Variants in PHKB observed in about 807,000 individuals in gnomAD.
The protein encoded by PHKB is phosphorylase kinase regulatory subunit beta.
In PHKB, 122 loss-of-function variants were observed where a neutral mutation model predicts 152.1. The ratio of observed to expected loss-of-function variants is 0.80; its 90% CI spans 0.69 to 0.93. PHKB has a LOEUF of 0.93. Among genes scored for constraint, PHKB ranks in the 40% least tolerant of loss-of-function variants. The pLI is 0.00. For missense variants in PHKB, 1,304 were observed against 1,328.4 expected (o/e 0.98, Z 0.29); for synonymous variants, 436 against 464.9 (o/e 0.94, Z 0.80).
intron 24 of PHKB, chr16:47,664,356 T>A (rs996599720): frequency 6.3e-6 from 1 of 157,810 alleles, no homozygotes; most frequent in African/African-American, 2.4e-5. Flanking sequence ...TCTAACAAAT[T>A]TTGAAAGTCA....
intron 7 of PHKB, among the ~76,000 whole-genome samples, chr16:47,552,350 A>T (rs927002546): frequency 6.6e-6 from 1 of 152,058 alleles, no homozygotes; most frequent in Non-Finnish European, 1.5e-5. Context: ...AGTGGCTGGT[A>T]TTGGTTTTTC....
At position 47,503,071 on chromosome 16, in the gene PHKB, A is replaced by G. The variant is rs774882825; in HGVS notation, c.386A>G (p.Tyr129Cys). 7.5e-6 allele frequency: 12 copies of G among 1,605,160 alleles called. No individual in the cohort carries two copies. The highest frequency in any genetic ancestry group is 2.2e-5 in the East Asian group (1 of 44,820). Residue 129 changes from tyrosine (Y) to cysteine (C), a missense_variant, in exon 4 of 31, where the codon TAT becomes TGT. By Grantham distance (194) the Tyr-to-Cys change is radical. Coordinates refer to ENST00000323584, the MANE Select transcript of PHKB (RefSeq NM_000293.3). ...IKCMRGILYCYMRQADKVQQF... is the reference protein window; with the variant it reads ...IKCMRGILYCCMRQADKVQQF... ...TGCATGAGAGGAATTCTCTACTGCTATATGCGTCAGGCCGATAAGGTAAAA... is the reference window on the plus strand; with the variant it reads ...TGCATGAGAGGAATTCTCTACTGCTGTATGCGTCAGGCCGATAAGGTAAAA...
At chr16:47,688,895 AT>A in intron 26 of PHKB, 145 bp from the exon 27 acceptor site, 1 of 828,594 alleles carries the variant, frequency 1.2e-6, no homozygotes, top group South Asian at 1.3e-5. Context: ...GATGGAAGTA[AT>A]TGTATCAACG....
At chr16:47,675,521 T>A (rs13338653) in intron 26 of PHKB, 4,752 of 107,900 alleles carry the variant, frequency 0.044, 76 homozygotes, top group Non-Finnish European at 0.05. Context: ...ACACACACAC[T>A]CTCTCTCTCT....
intron 1 of PHKB, among the ~76,000 whole-genome samples, chr16:47,488,248 G>A (rs1392590412): frequency 2.6e-5 from 4 of 152,186 alleles, no homozygotes; most frequent in Non-Finnish European, 5.9e-5. Context: ...CTTTGGAGAA[G>A]TGTCTGTTCA....
intron 25 of PHKB, among the ~76,000 whole-genome samples, chr16:47,668,269 A>G (rs1448085648): frequency 6.6e-6 from 1 of 152,174 alleles, no homozygotes; most frequent in Non-Finnish European, 1.5e-5. Context: ...TAATAAAAGT[A>G]TTCACACGCA....
rs756329469 is a variant in PHKB, at chr16:47,589,045, G to T, written c.1011G>T (p.Gly337=). The stretch of plus-strand genomic sequence containing the variant: ...GATTTAAACGTTTCTTGAGAGATGG[G>T]TATAGAACATCATTGGAAGATCCCA... The part of the protein sequence containing the change: ...KYGFKRFLRD[G]YRTSLEDPNR... Residue 337 remains glycine (G), a synonymous_variant, in exon 10 of 31, where the codon GGG becomes GGT. Transcript: ENST00000323584. 4 of 1,613,408 alleles carry T rather than the reference G, an allele frequency of 2.5e-6. No individual in the cohort carries two copies. The highest frequency in any genetic ancestry group is 3.3e-5 in the Admixed American group (2 of 59,966).
At chr16:47,534,533 A>C (rs1211035803) in intron 6 of PHKB, among the ~76,000 whole-genome samples, 1 of 152,220 alleles carries the variant, frequency 6.6e-6, no homozygotes, top group Non-Finnish European at 1.5e-5. Flanking sequence ...GGAAATAGAA[A>C]ATAACCTTTA....
chr16:47,679,237 T>A (rs1415970970), intron 26 of PHKB, among the ~76,000 whole-genome samples: 2 of 152,210 alleles, frequency 1.3e-5, no homozygotes, highest in Non-Finnish European at 2.9e-5. Flanking sequence ...GGCTTAGGAT[T>A]GACTTGGCGA....
intron 17 of PHKB, among the ~76,000 whole-genome samples, 155 bp downstream of exon 17, chr16:47,648,771 G>C (rs1973181003): frequency 6.6e-6 from 1 of 152,086 alleles, no homozygotes; most frequent in Middle Eastern, 3.4e-3. Context: ...TACTTATTTA[G>C]CATCATATCA....
At chr16:47,544,508 G>A (rs1414862578) in intron 6 of PHKB, among the ~76,000 whole-genome samples, 5 of 152,182 alleles carry the variant, frequency 3.3e-5, no homozygotes, top group South Asian at 4.2e-4. Context: ...TTACTTCCAC[G>A]TATGTGGTCA....
At position 47,499,791 on chromosome 16, in the gene PHKB, A is replaced by G. The variant is rs887780102; in HGVS notation, c.202A>G (p.Thr68Ala). Residue 68 changes from threonine to alanine, a missense_variant, in exon 3 of 31, where the codon ACC becomes GCC. Thr to Ala is a moderately conservative substitution (Grantham distance 58). Transcript: ENST00000323584. ...STLLLYQSPT[T>A]GLFPTKTCGG... is the part of the protein sequence containing the mutation. ...ATTGCTGCTGTATCAAAGTCCAACT[A>G]CCGGTCTCTTTCCCACTAAAACATG... 1.2e-6 allele frequency: 2 copies of G among 1,614,052 alleles called. No homozygotes were observed. Among genetic ancestry groups the G allele is most frequent in the African/African-American group, 2.7e-5 (2 of 74,946 alleles).
chr16:47,610,913 C>A lies in PHKB; in HGVS notation c.1451C>A (p.Ser484Tyr). The change falls in exon 14 of 31, where the codon TCC (serine) becomes TAC (tyrosine). Residue 484 changes from serine to tyrosine, a missense_variant. Coordinates refer to ENST00000323584, the MANE Select transcript of PHKB (RefSeq NM_000293.3). ...KDQRNVSMRFSNQGPLENDLV... is the reference protein window; with the variant it reads ...KDQRNVSMRFYNQGPLENDLV... ...CAACGTAACGTGAGCATGAGGTTTT[C>A]CAATCAGGTAAAGAATTATTCTATT... 6.4e-7 allele frequency: 1 copy of A among 1,551,618 alleles called. No homozygotes were observed. Among genetic ancestry groups the A allele is most frequent in the Non-Finnish European group, 8.9e-7 (1 of 1,123,000 alleles).
At chr16:47,533,719 G>A (rs1970902930) in intron 6 of PHKB, among the ~76,000 whole-genome samples, 1 of 152,210 alleles carries the variant, frequency 6.6e-6, no homozygotes, top group Admixed American at 6.5e-5. Flanking sequence ...GCCTGCGAGG[G>A]CAGGGAGGGG....
chr16:47,654,713 A>G (rs1973302267), intron 20 of PHKB, among the ~76,000 whole-genome samples: 1 of 151,810 alleles, frequency 6.6e-6, no homozygotes, highest in South Asian at 2.1e-4. Context: ...CGGAAAACCG[A>G]ACACCACATG....
chr16:47,574,078 C>T lies in PHKB; in HGVS notation c.711-6217C>T, dbSNP rs1442036841. On this transcript the variant is annotated intron_variant, in intron 7 of 30. Coordinates refer to ENST00000323584, the MANE Select transcript of PHKB (RefSeq NM_000293.3). ...GAGATTACAGGCATGCACCGCCACA[C>T]CCAGCTAATTTTTGTATTTTTAGTA... Among the ~76,000 whole-genome samples the T allele has an allele frequency of 3.3e-5, 5 of 152,310 alleles. No homozygotes were observed. The East Asian group carries it at 9.7e-4, about 29-fold the overall frequency.
intron 6 of PHKB, among the ~76,000 whole-genome samples, chr16:47,537,915 G>C (rs1048094351): frequency 6.7e-6 from 1 of 149,424 alleles, no homozygotes; most frequent in Non-Finnish European, 1.5e-5. Context: ...TTTAAGTTGA[G>C]GCAAGGTCTC....
chr16:47,493,251 A>G (rs1385169110), intron 1 of PHKB, among the ~76,000 whole-genome samples: 2 of 152,212 alleles, frequency 1.3e-5, no homozygotes. Flanking sequence ...GAGCAGTTAG[A>G]ATAAACAGAA....
intron 14 of PHKB, among the ~76,000 whole-genome samples, chr16:47,623,773 G>A (rs975303049): frequency 6.6e-6 from 1 of 151,900 alleles, no homozygotes; most frequent in Non-Finnish European, 1.5e-5. Flanking sequence ...GACCAGGTTG[G>A]TCTCGAACTC....
Sources: allele counts gnomAD v4.1 joint callset (sites outside exome capture counted in the v4.1 genomes callset), GRCh38; gene constraint gnomAD v4.1.1; transcripts MANE v1.5; gene names NCBI Gene and HGNC (gene_info 2026-07-23, HGNC 2026-07-21).